The following ZNHIT6 variants were observed in gnomAD, a reference collection of about 807,000 sequenced individuals.
ZNHIT6 encodes the protein box C/D snoRNA protein 1.
In ZNHIT6, 45 loss-of-function variants were observed where a neutral mutation model predicts 57.2. The observed-to-expected ratio is 0.79, with a 90% CI of 0.62 to 1.01. ZNHIT6 has a LOEUF of 1.01. Ranked by LOEUF, ZNHIT6 falls within the 50% of genes least tolerant of loss-of-function variation. ZNHIT6 has a pLI of 0.00. For missense variants in ZNHIT6, 528 were observed against 567.3 expected (o/e 0.93, Z 0.70); for synonymous variants, 188 against 190.0 (o/e 0.99, Z 0.09).
intron 5 of ZNHIT6, among the ~76,000 whole-genome samples, chr1:85,683,693 C>T (rs1157883864): frequency 4.0e-5 from 6 of 151,862 alleles, no homozygotes; most frequent in Non-Finnish European, 7.4e-5. Flanking sequence ...AAATATATGT[C>T]CCACTTAAAA....
intron 5 of ZNHIT6, among the ~76,000 whole-genome samples, chr1:85,686,504 C>T (rs1662041294): frequency 6.6e-6 from 1 of 151,876 alleles, no homozygotes; most frequent in Non-Finnish European, 1.5e-5. Flanking sequence ...ATTTCTAATA[C>T]AAAGTTTAAA....
At chr1:85,690,984 C>A (rs182985796) in intron 5 of ZNHIT6, among the ~76,000 whole-genome samples, 1 of 152,230 alleles carries the variant, frequency 6.6e-6, no homozygotes, top group East Asian at 1.9e-4. Flanking sequence ...CGAGATCGTG[C>A]CACTGCACTC....
chr1:85,654,174 C>A, intron 9 of ZNHIT6, 76 bp from the exon 10 acceptor site: 1 of 1,293,690 alleles, frequency 7.7e-7, no homozygotes, highest in South Asian at 1.4e-5. Flanking sequence ...TCTTCTCTCC[C>A]TCCTTCTGAT....
At chr1:85,696,291 G>A (rs921716759) in intron 5 of ZNHIT6, among the ~76,000 whole-genome samples, 7 of 151,700 alleles carry the variant, frequency 4.6e-5, no homozygotes, top group African/African-American at 9.7e-5. Context: ...CTGTGGAGAT[G>A]GCATCTTGCT....
chr1:85,659,973 T>C (rs1661179922), intron 8 of ZNHIT6, among the ~76,000 whole-genome samples: 1 of 152,196 alleles, frequency 6.6e-6, no homozygotes, highest in South Asian at 2.1e-4. Flanking sequence ...CCACAGATCA[T>C]AGAATTCATA....
chr1:85,668,577 ACT>A (rs1276397233), intron 8 of ZNHIT6, among the ~76,000 whole-genome samples: 3 of 152,210 alleles, frequency 2.0e-5, no homozygotes, highest in African/African-American at 2.4e-5. Context: ...TCCAGTATAT[ACT>A]TAATTCTGCA....
rs1277460608 is a variant in ZNHIT6 at position 85,687,305 on chromosome 1, AAAAAAAC to A, written c.1020-6408_1020-6402del. Among the ~76,000 whole-genome samples the A allele has an allele frequency of 7.5e-4, 109 of 145,994 alleles. 16 individuals carry two copies. The highest frequency in any genetic ancestry group is 1.3e-3 in the Non-Finnish European group (88 of 66,190). On this transcript the variant is annotated intron_variant, in intron 5 of 9. Transcript: ENST00000370574. ...TCAAAAAACAAAAAAAAAACAAAAA[AAAAAAAC>A]AATTTAGAACCCAGTACTCAAAAAT...
At chr1:85,702,073 A>G in intron 5 of ZNHIT6, 84 bp downstream of exon 5, 1 of 822,292 alleles carries the variant, frequency 1.2e-6, no homozygotes, top group Non-Finnish European at 1.9e-6. Context: ...CACTTGGGGT[A>G]GCAATGCTCT....
intron 5 of ZNHIT6, among the ~76,000 whole-genome samples, chr1:85,689,830 A>C (rs1662167973): frequency 6.6e-6 from 1 of 152,146 alleles, no homozygotes; most frequent in Admixed American, 6.6e-5. Flanking sequence ...AAATTCCTAC[A>C]ATGTATGGGA....
chr1:85,656,323 A>G (rs1231144790), intron 9 of ZNHIT6, among the ~76,000 whole-genome samples: 3 of 152,318 alleles, frequency 2.0e-5, no homozygotes, highest in Admixed American at 1.3e-4. Context: ...AGCATGAGTC[A>G]TTTGTGTTCC....
At chr1:85,706,721 T>C (rs1423506199) in intron 1 of ZNHIT6, among the ~76,000 whole-genome samples, 5 of 152,220 alleles carry the variant, frequency 3.3e-5, no homozygotes, top group Admixed American at 1.3e-4. Flanking sequence ...GGAAAATGTA[T>C]TAAAATTTTT....
In ZNHIT6 at chr1:85,677,156, T is replaced by C. The variant is rs182143919; in HGVS notation, c.1247+80A>G. 11 of 1,027,696 alleles carry C rather than the reference T, an allele frequency of 1.1e-5. No individual in the cohort carries two copies. The East Asian group carries it at 2.8e-4, about 27-fold the overall frequency. The allele number at this position is 1,027,696 out of a possible 1,614,324, so 63.7% of individuals were successfully genotyped here. A position where few individuals can be genotyped will look rare whatever the true frequency, so the allele number is the denominator to read the frequency against. ...GTTCATAGCTAGATAATTAGTTTAA[T>C]AACTTGAGCTAATCAAGCTACTTAA... On this transcript the variant is annotated intron_variant, in intron 8 of 9. Coordinates refer to ENST00000370574, the MANE Select transcript of ZNHIT6 (RefSeq NM_017953.4).
At chr1:85,659,996 T>G (rs979362584) in intron 8 of ZNHIT6, among the ~76,000 whole-genome samples, 1 of 152,226 alleles carries the variant, frequency 6.6e-6, no homozygotes, top group Non-Finnish European at 1.5e-5. Flanking sequence ...TTCTTTTCCC[T>G]GTGTGTAATG....
intron 5 of ZNHIT6, among the ~76,000 whole-genome samples, chr1:85,686,024 C>T (rs1338773939): frequency 6.6e-6 from 1 of 150,622 alleles, no homozygotes; most frequent in Non-Finnish European, 1.5e-5. Flanking sequence ...TGCAGTGGTG[C>T]GATCTCAGCT....
In ZNHIT6 at chr1:85,657,402, G is replaced by A. The variant is rs1012811090; in HGVS notation, c.1372+445C>T. ...TTGCAACATTTTCTCCTTCTATAAG[G>A]TAGGATACTAGGCTTTTTTTTTTTT... On this transcript the variant is annotated intron_variant, in intron 9 of 9. Coordinates refer to ENST00000370574, the MANE Select transcript of ZNHIT6 (RefSeq NM_017953.4). Among the ~76,000 whole-genome samples, 5 of 146,758 alleles carry A rather than the reference G, an allele frequency of 3.4e-5. No homozygotes were observed. In the East Asian group the frequency reaches 6.1e-4, roughly 18 times the overall value.
chr1:85,698,581 C>T (rs1055252037), intron 5 of ZNHIT6, among the ~76,000 whole-genome samples: 1 of 152,110 alleles, frequency 6.6e-6, no homozygotes, highest in Non-Finnish European at 1.5e-5. Context: ...TAAGCGACAT[C>T]AACTTGAGAT....
At chr1:85,688,303 A>G (rs1157967901) in intron 5 of ZNHIT6, among the ~76,000 whole-genome samples, 2 of 152,168 alleles carry the variant, frequency 1.3e-5, no homozygotes, top group East Asian at 3.9e-4. Context: ...ATTCAGCTGG[A>G]AAGTAGCAGA....
At position 85,658,660 on chromosome 1, in the gene ZNHIT6, T is replaced by C. The variant is rs182017919; in HGVS notation, c.1248-689A>G. Among the ~76,000 whole-genome samples, 124 of 151,918 alleles carry C rather than the reference T, an allele frequency of 8.2e-4. No homozygotes were observed. In the East Asian group the frequency reaches 8.4e-3, roughly 10 times the overall value. The stretch of plus-strand genomic sequence containing the variant: ...GTCAAGGTGGGTGGATCACCTGAGG[T>C]TGGGAGTTTGAGACCAGCGTGACCA... On this transcript the variant is annotated intron_variant, in intron 8 of 9. Coordinates refer to ENST00000370574, the MANE Select transcript of ZNHIT6 (RefSeq NM_017953.4).
intron 8 of ZNHIT6, among the ~76,000 whole-genome samples, chr1:85,674,804 G>C (rs879471662): frequency 7.2e-5 from 11 of 152,082 alleles, no homozygotes; most frequent in Non-Finnish European, 8.8e-5. Flanking sequence ...ATATCTCTGA[G>C]GGCTAATGTG....
Sources: gnomAD v4.1 joint callset for allele counts (sites outside exome capture counted in the v4.1 genomes callset) on GRCh38, gnomAD v4.1.1 for gene constraint, MANE v1.5 for transcripts, NCBI Gene and HGNC (gene_info 2026-07-23, HGNC 2026-07-21) for gene names.